NPHP1: variants seen among roughly 807,000 people sequenced by gnomAD.
NPHP1 encodes the protein nephrocystin-1.
Under a neutral mutation model 90.4 loss-of-function variants are expected in NPHP1, and 70 were observed. That is an observed-to-expected ratio of 0.77 (90% CI 0.64 to 0.95). The LOEUF is 0.95. Ranked by LOEUF, NPHP1 falls within the 40% of genes least tolerant of loss-of-function variation. The probability of loss-of-function intolerance (pLI) is 0.00; values close to 1 mark genes in which losing one functional copy is unlikely to be tolerated. For missense variants in NPHP1, 764 were observed against 795.9 expected (o/e 0.96, Z 0.48); for synonymous variants, 256 against 271.7 (o/e 0.94, Z 0.57).
chr2:110,164,766 G>T (rs763127968), intron 7 of NPHP1, 36 bp from the exon 8 acceptor site: 1 of 1,539,922 alleles, frequency 6.5e-7, no homozygotes, highest in South Asian at 1.1e-5. Context: ...GTCAGGTCAG[G>T]TTATGCCTAT....
At position 110,137,541 on chromosome 2, in the gene NPHP1, A is replaced by C. The variant is rs530517215; in HGVS notation, c.1530-5750T>G. 1.6e-3 allele frequency among the ~76,000 whole-genome samples: 241 copies of C among 152,318 alleles called. 1 individual carries two copies. The highest frequency in any genetic ancestry group is 5.6e-3 in the African/African-American group (232 of 41,568). Reference sequence around the variant, plus strand: ...ATATGAACAGACACTTCTCAAAAGAAGACATTTATGCAGCCAAAAAACACA... The same window carrying C: ...ATATGAACAGACACTTCTCAAAAGACGACATTTATGCAGCCAAAAAACACA... On this transcript the variant is annotated intron_variant, in intron 16 of 19. Coordinates refer to ENST00000445609, the MANE Select transcript of NPHP1 (RefSeq NM_001128178.3).
At chr2:110,201,309 A>G (rs1685562200) in intron 2 of NPHP1, 112 bp downstream of exon 2, 1 of 783,248 alleles carries the variant, frequency 1.3e-6, no homozygotes, top group Non-Finnish European at 2.2e-6. Context: ...AACTTACAAC[A>G]CTATGTGATT....
intron 6 of NPHP1, among the ~76,000 whole-genome samples, chr2:110,166,905 T>A (rs1326727505): frequency 6.6e-6 from 1 of 152,144 alleles, no homozygotes; most frequent in Non-Finnish European, 1.5e-5. Context: ...TGGCCACATG[T>A]AGCTAGTGAG....
At chr2:110,195,351 T>C (rs1685082722) in intron 2 of NPHP1, among the ~76,000 whole-genome samples, 4 of 152,066 alleles carry the variant, frequency 2.6e-5, no homozygotes, top group Non-Finnish European at 5.9e-5. Context: ...ACAAGCATTC[T>C]TATATACCAA....
intron 14 of NPHP1, among the ~76,000 whole-genome samples, chr2:110,145,402 C>T (rs1439633602): frequency 6.6e-6 from 1 of 152,058 alleles, no homozygotes; most frequent in East Asian, 1.9e-4. Flanking sequence ...GCAATCCTCC[C>T]AGCTCAGCCT....
chr2:110,177,840 C>T (rs1191884756), intron 4 of NPHP1, among the ~76,000 whole-genome samples: 1 of 151,848 alleles, frequency 6.6e-6, no homozygotes, highest in East Asian at 1.9e-4. Flanking sequence ...CTTCTGGGCT[C>T]AAGCAATCCT....
At chr2:110,141,987 A>AG (rs1680678537) in intron 16 of NPHP1, among the ~76,000 whole-genome samples, 1 of 148,216 alleles carries the variant, frequency 6.7e-6, no homozygotes, top group South Asian at 2.1e-4. Flanking sequence ...AAAAAAAAAA[A>AG]AAGAAAGAAA....
intron 2 of NPHP1, among the ~76,000 whole-genome samples, chr2:110,191,912 T>G (rs1204966404): frequency 2.9e-5 from 4 of 136,312 alleles, no homozygotes; most frequent in Admixed American, 7.6e-5. Flanking sequence ...GGAGTGGACC[T>G]CCGGCAAACT....
At chr2:110,193,758 T>C (rs1684928553) in intron 2 of NPHP1, among the ~76,000 whole-genome samples, 1 of 152,060 alleles carries the variant, frequency 6.6e-6, no homozygotes, top group Non-Finnish European at 1.5e-5. Context: ...TAGTTGGAAG[T>C]AAAGCACTCC....
chr2:110,125,182 G>A (rs936444166), intron 19 of NPHP1: 13 of 1,530,098 alleles, frequency 8.5e-6, no homozygotes, highest in East Asian at 2.4e-5. Context: ...GTCAAACCAC[G>A]ACTCACCGAT....
chr2:110,130,284 C>G (rs1679688261), intron 17 of NPHP1, among the ~76,000 whole-genome samples: 1 of 152,144 alleles, frequency 6.6e-6, no homozygotes, highest in Admixed American at 6.5e-5. Context: ...CTGGTGTCCT[C>G]AGTAGAGAAA....
chr2:110,126,497 T>C (rs1486098630), intron 18 of NPHP1: 5 of 152,416 alleles, frequency 3.3e-5, no homozygotes, highest in African/African-American at 9.6e-5. Context: ...ACTATGCCAC[T>C]CATGAGAACA....
intron 18 of NPHP1, chr2:110,126,923 C>T (rs1271843184): frequency 2.6e-5 from 4 of 152,584 alleles, no homozygotes; most frequent in Admixed American, 2.6e-4. Context: ...TTTCATTCAG[C>T]CACCAGCAAA....
chr2:110,171,037 G>T (rs763702400), intron 4 of NPHP1, among the ~76,000 whole-genome samples: 1 of 152,052 alleles, frequency 6.6e-6, no homozygotes, highest in Non-Finnish European at 1.5e-5. Context: ...GGAGACAAAG[G>T]TATAATGTGG....
chr2:110,171,794 T>C (rs1683143893), intron 4 of NPHP1, among the ~76,000 whole-genome samples: 2 of 152,162 alleles, frequency 1.3e-5, no homozygotes, highest in Non-Finnish European at 2.9e-5. Context: ...TATTACCCTT[T>C]TGAAATGCCT....
intron 3 of NPHP1, chr2:110,178,837 G>A: frequency 3.7e-6 from 1 of 266,786 alleles, no homozygotes; most frequent in East Asian, 8.3e-5. Context: ...ACAGAAGATC[G>A]GCTTTAAAGT....
At chr2:110,163,768 C>G (rs942066293) in intron 8 of NPHP1, 3 of 154,840 alleles carry the variant, frequency 1.9e-5, no homozygotes, top group African/African-American at 7.2e-5. Flanking sequence ...TCAAGCAATT[C>G]TCCTGCCTCA....
At chr2:110,187,949 T>C (rs1316868943) in intron 2 of NPHP1, among the ~76,000 whole-genome samples, 3 of 152,140 alleles carry the variant, frequency 2.0e-5, no homozygotes, top group Non-Finnish European at 4.4e-5. Context: ...GAAAAGGCTT[T>C]CAATAAAATT....
At chr2:110,184,762 G>A (rs1171422908) in intron 2 of NPHP1, 1 of 713,642 alleles carries the variant, frequency 1.4e-6, no homozygotes, top group East Asian at 2.9e-5. Flanking sequence ...TAAACCCCCA[G>A]AAGGAAGAGA....
Sources: allele counts gnomAD v4.1 joint callset (sites outside exome capture counted in the v4.1 genomes callset), GRCh38; gene constraint gnomAD v4.1.1; transcripts MANE v1.5; gene names NCBI Gene and HGNC (gene_info 2026-07-23, HGNC 2026-07-21).